QSOX1: variants seen among roughly 807,000 people sequenced by gnomAD.
QSOX1 encodes quiescin sulfhydryl oxidase 1.
A neutral mutation model predicts 76.1 loss-of-function variants in QSOX1; 40 were observed. The observed-to-expected ratio is 0.53, with a 90% CI of 0.41 to 0.68. The LOEUF (loss-of-function observed/expected upper bound fraction) is 0.68. Ranked by LOEUF, QSOX1 falls within the 30% of genes least tolerant of loss-of-function variation. The probability of loss-of-function intolerance (pLI) is 0.00; values close to 1 mark genes in which losing one functional copy is unlikely to be tolerated. For synonymous variants in QSOX1, 392 were observed against 413.1 expected (o/e 0.95, Z 0.62); for missense variants, 931 against 974.3 (o/e 0.96, Z 0.59).
In QSOX1 at chr1:180,176,160, TCA is replaced by T. The variant is rs1662887456; in HGVS notation, c.515+133_515+134del. The T allele has an allele frequency of 1.5e-5, 11 of 729,846 alleles. No individual in the cohort carries two copies. In the South Asian group the frequency reaches 1.9e-4, roughly 13 times the overall value. 45.2% of individuals were successfully genotyped at this position (729,846 alleles called of 1,614,324 possible). A position where few individuals can be genotyped will look rare whatever the true frequency, so the allele number is the denominator to read the frequency against. ...TCCTTGCTGCCTTTGCCTGTGGGGC[TCA>T]CACACCAGTCTGCTGGAGCTACTCC... On this transcript the variant is annotated intron_variant, in intron 4 of 11. Transcript: ENST00000367602.
rs1234853476 is a variant in QSOX1, at chr1:180,198,045, G to A, written c.*1008G>A. 1 of 391,808 alleles carries A rather than the reference G, an allele frequency of 2.6e-6. No homozygotes were observed. Among genetic ancestry groups the A allele is most frequent in the Non-Finnish European group, 5.2e-6 (1 of 191,002 alleles). 24.3% of individuals were successfully genotyped at this position (391,808 alleles called of 1,614,324 possible). A position where few individuals can be genotyped will look rare whatever the true frequency, so the allele number is the denominator to read the frequency against. On this transcript the variant is annotated 3_prime_UTR_variant, in exon 12 of 12. Transcript: ENST00000367602. Reference sequence around the variant, plus strand: ...TTTTTGTTAAGGCAAGCATTGGTGTGTTCTTTAACTTGCTACTTGGAGACC... The same window carrying A: ...TTTTTGTTAAGGCAAGCATTGGTGTATTCTTTAACTTGCTACTTGGAGACC...
intron 5 of QSOX1, among the ~76,000 whole-genome samples, chr1:180,179,267 G>A (rs889167017): frequency 6.6e-6 from 1 of 152,236 alleles, no homozygotes; most frequent in African/African-American, 2.4e-5. Context: ...CAAAGCCAAT[G>A]TTGTTTCCAC....
intron 5 of QSOX1, 146 bp downstream of exon 5, chr1:180,179,030 AT>A (rs1662966549): frequency 4.4e-6 from 3 of 678,822 alleles, no homozygotes; most frequent in Non-Finnish European, 7.7e-6. Context: ...GCTGGGAGCC[AT>A]GGGAAGTGCA....
intron 1 of QSOX1, among the ~76,000 whole-genome samples, chr1:180,163,239 C>G (rs1033008534): frequency 1.1e-4 from 17 of 152,084 alleles, no homozygotes; most frequent in African/African-American, 3.6e-4. Context: ...TGTACTGTTC[C>G]TCTTTCTCAT....
chr1:180,197,673 G>T lies in QSOX1; in HGVS notation c.*636G>T. ...GGCAAGCCATGGTTGCTGGGCTGTA[G>T]GGTGAGTGGCTTGCTTGGTGGGACC... On this transcript the variant is annotated 3_prime_UTR_variant, in exon 12 of 12. Transcript: ENST00000367602. 2.5e-6 allele frequency: 1 copy of T among 399,104 alleles called. No homozygotes were observed. Among genetic ancestry groups the T allele is most frequent in the Non-Finnish European group, 4.6e-6 (1 of 216,074 alleles). The allele number at this position is 399,104 out of a possible 1,614,324, so 24.7% of individuals were successfully genotyped here.
chr1:180,156,515 C>T (rs562148173), intron 1 of QSOX1, among the ~76,000 whole-genome samples: 106 of 152,328 alleles, frequency 7.0e-4, no homozygotes, highest in African/African-American at 2.4e-3. Flanking sequence ...AGTTTTCAGA[C>T]TCACCCTCCT....
chr1:180,186,095 C>T lies in QSOX1; in HGVS notation c.930C>T (p.Tyr310=), dbSNP rs770396845. 2.5e-6 allele frequency: 4 copies of T among 1,614,174 alleles called. No homozygotes were observed. The highest frequency in any genetic ancestry group is 3.4e-6 in the Non-Finnish European group (4 of 1,179,980). Residue 310 remains tyrosine (Y), a synonymous_variant, in exon 8 of 12, where the codon TAC becomes TAT. Transcript: ENST00000367602. ...YMADLESALH[Y]ILRIEVGRFP... ...CTGACCTGGAATCTGCACTGCACTACATCCTGCGGATAGAAGTGGGCAGGT... is the reference window on the plus strand; with the variant it reads ...CTGACCTGGAATCTGCACTGCACTATATCCTGCGGATAGAAGTGGGCAGGT...
chr1:180,176,801 C>T lies in QSOX1; in HGVS notation c.515+768C>T, dbSNP rs148463358. 3.8e-3 allele frequency among the ~76,000 whole-genome samples: 585 copies of T among 152,342 alleles called. 1 individual carries two copies. Among genetic ancestry groups the T allele is most frequent in the Non-Finnish European group, 6.2e-3 (424 of 68,022 alleles). On this transcript the variant is annotated intron_variant, in intron 4 of 11. Transcript: ENST00000367602. ...GCAGGAGCTGCTAGAGGGAGCCCAG[C>T]CTTGTACACAGTGGAGGCCCCAGGT...
At chr1:180,157,955 A>G (rs1007371492) in intron 1 of QSOX1, among the ~76,000 whole-genome samples, 5 of 152,240 alleles carry the variant, frequency 3.3e-5, no homozygotes, top group African/African-American at 1.2e-4. Flanking sequence ...GGAAAGTCAC[A>G]GAGGGCTAAT....
chr1:180,197,352 C>T lies in QSOX1; in HGVS notation c.*315C>T, dbSNP rs1412891316. The T allele has an allele frequency of 3.7e-6, 6 of 1,614,026 alleles. No individual in the cohort carries two copies. The highest frequency in any genetic ancestry group is 2.2e-5 in the South Asian group (2 of 91,086). ...TTTCAGCTTATTTGAAGTCCTGCCTCATTCTCACTGGAGCCTCAGTCTCTC... is the reference window on the plus strand; with the variant it reads ...TTTCAGCTTATTTGAAGTCCTGCCTTATTCTCACTGGAGCCTCAGTCTCTC... On this transcript the variant is annotated 3_prime_UTR_variant, in exon 12 of 12. Coordinates refer to ENST00000367602, the MANE Select transcript of QSOX1 (RefSeq NM_002826.5).
At chr1:180,170,496 T>A (rs61828295) in intron 2 of QSOX1, among the ~76,000 whole-genome samples, 27,318 of 152,184 alleles carry the variant, frequency 0.18, 2,602 homozygotes, top group African/African-American at 0.23. Context: ...GGCCCCAAGA[T>A]AGCAGTCACT....
chr1:180,167,951 A>G (rs937295119), intron 2 of QSOX1, among the ~76,000 whole-genome samples: 5 of 152,210 alleles, frequency 3.3e-5, no homozygotes, highest in African/African-American at 1.2e-4. Flanking sequence ...AGTGTGGCAC[A>G]AGGAACCATC....
rs3795506 is a variant in QSOX1 at position 180,183,743 on chromosome 1, C to T, written c.753-173C>T. Among the ~76,000 whole-genome samples, 3,428 of 152,260 alleles carry T rather than the reference C, an allele frequency of 0.023. 191 individuals are homozygous for T. The East Asian group carries it at 0.23, about 10-fold the overall frequency. ...TGTGCAGTGATTAGAAGGGTTACAG[C>T]GAGGCCTGGGTGCCGTCTTCTGGCC... On this transcript the variant is annotated intron_variant, in intron 6 of 11. Transcript: ENST00000367602.
chr1:180,165,496 T>C (rs772825943), intron 1 of QSOX1, among the ~76,000 whole-genome samples: 5 of 152,254 alleles, frequency 3.3e-5, no homozygotes, highest in Non-Finnish European at 7.3e-5. Context: ...CTCCTCCACC[T>C]TGCTCAGGCA....
intron 10 of QSOX1, among the ~76,000 whole-genome samples, chr1:180,191,939 C>T (rs1044337036): frequency 1.3e-5 from 2 of 152,076 alleles, no homozygotes; most frequent in East Asian, 2.0e-4. Flanking sequence ...CTTGGCTGGG[C>T]GGTGGTCGTC....
At position 180,182,328 on chromosome 1, in the gene QSOX1, C is replaced by T. The variant is rs761100596; in HGVS notation, c.752+9C>T. On this transcript the variant is annotated intron_variant, in intron 6 of 11. Transcript: ENST00000367602. ...GTCTCCCGAGTCCCCGTGTGAGTAT[C>T]CTGTCTCCTGGCGTCCCCTCTCGTC... is the stretch of plus-strand genomic sequence containing the variant. The T allele has an allele frequency of 7.4e-6, 12 of 1,614,032 alleles. No individual in the cohort carries two copies. The highest frequency in any genetic ancestry group is 2.2e-5 in the South Asian group (2 of 91,084).
At position 180,196,679 on chromosome 1, in the gene QSOX1, A is replaced by G. The variant is rs111896334; in HGVS notation, c.1886A>G (p.Gln629Arg). Residue 629 changes from glutamine to arginine, a missense_variant, in exon 12 of 12, where the codon CAG becomes CGG. Transcript: ENST00000367602. This position sits in a 1 kb window ranked among gnomAD's most constrained non-coding sequence, Gnocchi z 4.1. ...QEPPEHMAEL[Q>R]RNEQEQPLGQ... ...CCTCCTGAGCACATGGCAGAGCTTC[A>G]GAGGAATGAGCAGGAGCAGCCGCTT... is the stretch of plus-strand genomic sequence containing the variant. 53 of 1,614,100 alleles carry G rather than the reference A, an allele frequency of 3.3e-5. No homozygotes were observed. The African/African-American group carries it at 3.9e-4, about 12-fold the overall frequency.
intron 1 of QSOX1, among the ~76,000 whole-genome samples, chr1:180,157,950 G>T (rs535964945): frequency 6.0e-4 from 91 of 152,344 alleles, no homozygotes; most frequent in African/African-American, 2.1e-3. Context: ...GGAGGGGAAA[G>T]TCACAGAGGG....
chr1:180,189,130 G>A (rs1266782577), intron 8 of QSOX1, among the ~76,000 whole-genome samples: 1 of 152,202 alleles, frequency 6.6e-6, no homozygotes, highest in African/African-American at 2.4e-5. Flanking sequence ...TGGCAAGTCA[G>A]CTCTATCCGA....
Sources: gnomAD v4.1 joint callset for allele counts (sites outside exome capture counted in the v4.1 genomes callset) on GRCh38, gnomAD v4.1.1 for gene constraint, Gnocchi (gnomAD v3.1) non-coding constraint, MANE v1.5 for transcripts, NCBI Gene and HGNC (gene_info 2026-07-23, HGNC 2026-07-21) for gene names.